RASGRP4: variants seen among roughly 807,000 people sequenced by gnomAD.
The protein encoded by RASGRP4 is RAS guanyl releasing protein 4, also known as RAS guanyl-releasing protein 4.
A neutral mutation model predicts 84.4 loss-of-function variants in RASGRP4; 52 were observed. The observed-to-expected ratio is 0.62, with a 90% CI of 0.49 to 0.78. The LOEUF (loss-of-function observed/expected upper bound fraction) is 0.78. Ranked by LOEUF, RASGRP4 falls within the 30% of genes least tolerant of loss-of-function variation. RASGRP4 has a pLI of 0.00. For synonymous variants in RASGRP4, 356 were observed against 359.1 expected (o/e 0.99, Z 0.10); for missense variants, 760 against 886.9 (o/e 0.86, Z 1.82).
chr19:38,412,914 G>C lies in RASGRP4; in HGVS notation c.1535+17C>G. On this transcript the variant is annotated intron_variant, in intron 12 of 16. Transcript: ENST00000615439. This position sits in a 1 kb window ranked among gnomAD's most constrained non-coding sequence, Gnocchi z 4.6. ...GTGTCCTCATCTTCGGAGGATCCAGGAGTCACAACCACTTACCCCTGGCGT... is the reference window on the plus strand; with the variant it reads ...GTGTCCTCATCTTCGGAGGATCCAGCAGTCACAACCACTTACCCCTGGCGT... 6.2e-7 allele frequency: 1 copy of C among 1,613,784 alleles called. No individual in the cohort carries two copies. The highest frequency in any genetic ancestry group is 8.5e-7 in the Non-Finnish European group (1 of 1,179,680).
Position 38,413,410 on chromosome 19 carries a change from C to G in RASGRP4, c.1295G>C (p.Arg432Pro). ...GGGTCTCACCAGGCTCTTGGGACAA[C>G]GCGGCTCCCGGGCATAAGAAAGCTC... ...IYELSYAREPRCPKSLPPSPF... is the reference protein window; with the variant it reads ...IYELSYAREPPCPKSLPPSPF... Residue 432 changes from arginine (R) to proline (P), a missense_variant, in exon 10 of 17, where the codon CGT (arginine) becomes CCT (proline). Arg to Pro is a moderately radical substitution (Grantham distance 103). Coordinates refer to ENST00000615439, the MANE Select transcript of RASGRP4 (RefSeq NM_170604.3). This position sits in a 1 kb window ranked among gnomAD's most constrained non-coding sequence, Gnocchi z 4.7. 2 of 1,608,684 alleles carry G rather than the reference C, an allele frequency of 1.2e-6. No individual in the cohort carries two copies. Among genetic ancestry groups the G allele is most frequent in the Non-Finnish European group, 1.7e-6 (2 of 1,177,510 alleles).
At position 38,420,229 on chromosome 19, in the gene RASGRP4, G is replaced by C. The variant is rs778756186; in HGVS notation, c.411C>G (p.His137Gln). 6.2e-7 allele frequency: 1 copy of C among 1,613,296 alleles called. No homozygotes were observed. Among genetic ancestry groups the C allele is most frequent in the South Asian group, 1.1e-5 (1 of 90,892 alleles). ...YWLMRHPEVMHQDPQLEEVIG... is the reference protein window; with the variant it reads ...YWLMRHPEVMQQDPQLEEVIG... ...TGACTTCTTCTAGCTGGGGATCCTGGTGCATCACCTCAGGGTGTCGCATCA... is the reference window on the plus strand; with the variant it reads ...TGACTTCTTCTAGCTGGGGATCCTGCTGCATCACCTCAGGGTGTCGCATCA... The change falls in exon 5 of 17, where the codon CAC (histidine) becomes CAG (glutamine). Residue 137 changes from histidine to glutamine, a missense_variant. His to Gln is a conservative substitution (Grantham distance 24, BLOSUM62 0). Transcript: ENST00000615439.
chr19:38,410,590 T>C (rs1306452528), intron 16 of RASGRP4, among the ~76,000 whole-genome samples: 1 of 152,004 alleles, frequency 6.6e-6, no homozygotes, highest in Non-Finnish European at 1.5e-5. Context: ...TTTTTGTATT[T>C]TTAGTAGAGA....
rs1018423686 is a variant in RASGRP4 at position 38,412,470 on chromosome 19, G to A, written c.1680+202C>T. On this transcript the variant is annotated intron_variant, in intron 13 of 16. Coordinates refer to ENST00000615439, the MANE Select transcript of RASGRP4 (RefSeq NM_170604.3). This position sits in a 1 kb window ranked among gnomAD's most constrained non-coding sequence, Gnocchi z 4.6. ...ATCCATGGTTCAGCAATTGTCTGGGGTGGACATTATCTGGGATTTTGGGAT... is the reference window on the plus strand; with the variant it reads ...ATCCATGGTTCAGCAATTGTCTGGGATGGACATTATCTGGGATTTTGGGAT... 3.7e-5 allele frequency: 22 copies of A among 600,746 alleles called. No individual in the cohort carries two copies. The Admixed American group carries it at 3.8e-4, about 10-fold the overall frequency. The allele number at this position is 600,746 out of a possible 1,614,324, so 37.2% of individuals were successfully genotyped here. A position where few individuals can be genotyped will look rare whatever the true frequency, so the allele number is the denominator to read the frequency against.
In RASGRP4 at chr19:38,414,934, G is replaced by A; in HGVS notation, c.1144C>T (p.Leu382Phe). Residue 382 changes from leucine (L) to phenylalanine (F), a missense_variant, in exon 9 of 17, where the codon CTC (leucine) becomes TTC (phenylalanine). By Grantham distance (22) the Leu-to-Phe change is conservative (BLOSUM62 0). Coordinates refer to ENST00000615439, the MANE Select transcript of RASGRP4 (RefSeq NM_170604.3). ...ACCAGCTCCTGCAGCCGCAGGTAGA[G>A]GTTGTTCAGCTTGGGTAGGTGCAGG... ...GRLHLPKLNNLYLRLQELVAL... is the reference protein window; with the variant it reads ...GRLHLPKLNNFYLRLQELVAL... The A allele has an allele frequency of 6.2e-7, 1 of 1,613,468 alleles. No individual in the cohort carries two copies. The highest frequency in any genetic ancestry group is 2.2e-5 in the East Asian group (1 of 44,870).
chr19:38,423,892 G>A (rs1971871303), intron 1 of RASGRP4, among the ~76,000 whole-genome samples: 1 of 152,116 alleles, frequency 6.6e-6, no homozygotes, highest in East Asian at 1.9e-4. Flanking sequence ...CCTCTGCCTG[G>A]TGCCTCCCAG....
rs1364793345 is a variant in RASGRP4 at position 38,417,657 on chromosome 19, G to T, written c.838-489C>A. On this transcript the variant is annotated intron_variant, in intron 7 of 16. Coordinates refer to ENST00000615439, the MANE Select transcript of RASGRP4 (RefSeq NM_170604.3). The surrounding 1 kb of genome is among the most constrained non-coding windows in gnomAD (Gnocchi z 5.1). The stretch of plus-strand genomic sequence containing the variant: ...CAGACAGATGCTAGACAGGTGTGGG[G>T]CCACCAGGGCAGCTGGGGAATTCCC... Among the ~76,000 whole-genome samples the T allele has an allele frequency of 6.6e-6, 1 of 152,182 alleles. No individual in the cohort carries two copies. The highest frequency in any genetic ancestry group is 1.9e-4 in the East Asian group (1 of 5,192).
intron 4 of RASGRP4, 144 bp from the exon 5 acceptor site, chr19:38,420,406 G>T: frequency 1.2e-6 from 1 of 833,350 alleles, no homozygotes. Flanking sequence ...GGGGTTTGGA[G>T]GGGCACCAGG....
Position 38,411,396 on chromosome 19 carries a change from G to A in RASGRP4, c.1681-15C>T, listed in dbSNP as rs937495011. 6.5e-7 allele frequency: 1 copy of A among 1,545,390 alleles called. No homozygotes were observed. The highest frequency in any genetic ancestry group is 1.4e-5 in the African/African-American group (1 of 73,146). The stretch of plus-strand genomic sequence containing the variant: ...ACACCCCAGAGCTGGGAAGAGAAAG[G>A]AGAAAAGGTTACCCATCCTAGGAGA... On this transcript the variant is annotated splice_polypyrimidine_tract_variant and intron_variant, in intron 13 of 16. Transcript: ENST00000615439.
At position 38,413,940 on chromosome 19, in the gene RASGRP4, G is replaced by A. The variant is rs988825409; in HGVS notation, c.1231-466C>T. On this transcript the variant is annotated intron_variant, in intron 9 of 16. Transcript: ENST00000615439. This position sits in a 1 kb window ranked among gnomAD's most constrained non-coding sequence, Gnocchi z 4.7. ...AGCTCACTCTGCTCCATATACTGTC[G>A]TTTTTTGAGACAGAGTCTTGCTCTG... 9.2e-5 allele frequency among the ~76,000 whole-genome samples: 14 copies of A among 152,086 alleles called. No homozygotes were observed. Among genetic ancestry groups the A allele is most frequent in the Non-Finnish European group, 1.6e-4 (11 of 68,024 alleles).
rs752806146 is a variant in RASGRP4 at position 38,420,143 on chromosome 19, T to C, written c.497A>G (p.Asp166Gly). Residue 166 changes from aspartate to glycine, a missense_variant, in exon 5 of 17, where the codon GAC becomes GGC. Transcript: ENST00000615439. ...AGGGCTGACTCACAGGTCAGAAGAG[T>C]CTCCCAGTCTTCTCTGGGCTGAGTT... ...EGNSAQRRLG[D>G]SSDLLSPGGP... The C allele has an allele frequency of 6.2e-7, 1 of 1,612,386 alleles. No homozygotes were observed. The highest frequency in any genetic ancestry group is 1.1e-5 in the South Asian group (1 of 90,934).
intron 8 of RASGRP4, among the ~76,000 whole-genome samples, chr19:38,416,577 C>T (rs1278392860): frequency 5.9e-5 from 9 of 151,612 alleles, no homozygotes; most frequent in Admixed American, 5.3e-4. Flanking sequence ...CCTCCCAAAA[C>T]GCTGGGATTA....
In RASGRP4 at chr19:38,417,833, A is replaced by G. The variant is rs2145218664; in HGVS notation, c.837+558T>C. On this transcript the variant is annotated intron_variant, in intron 7 of 16. Coordinates refer to ENST00000615439, the MANE Select transcript of RASGRP4 (RefSeq NM_170604.3). The surrounding 1 kb of genome is among the most constrained non-coding windows in gnomAD (Gnocchi z 5.1). Reference sequence around the variant, plus strand: ...TGCAGGAGTAAGCAAGCCAGGGAAGACACCAGAGGAAGGGCGTGGTCTGCG... The same window carrying G: ...TGCAGGAGTAAGCAAGCCAGGGAAGGCACCAGAGGAAGGGCGTGGTCTGCG... Among the ~76,000 whole-genome samples the G allele has an allele frequency of 6.6e-6, 1 of 152,270 alleles. No homozygotes were observed. Among genetic ancestry groups the G allele is most frequent in the South Asian group, 2.1e-4 (1 of 4,832 alleles).
chr19:38,411,479 T>C (rs963352527), intron 13 of RASGRP4, 98 bp from the exon 14 acceptor site: 2 of 1,194,252 alleles, frequency 1.7e-6, no homozygotes, highest in Non-Finnish European at 2.3e-6. Flanking sequence ...GCTACCCAGG[T>C]TTTGAAATTC....
At chr19:38,414,151 A>G (rs1224764911) in intron 9 of RASGRP4, among the ~76,000 whole-genome samples, 3 of 151,932 alleles carry the variant, frequency 2.0e-5, no homozygotes, top group East Asian at 3.9e-4. Flanking sequence ...GCTGGTCTCA[A>G]ACTCCTCAGG....
At chr19:38,421,332 C>G in intron 2 of RASGRP4, 132 bp from the exon 3 acceptor site, 4 of 662,276 alleles carry the variant, frequency 6.0e-6, no homozygotes, top group Non-Finnish European at 1.1e-5. Flanking sequence ...CTTGGACAGG[C>G]AACCTAACCT....
intron 1 of RASGRP4, among the ~76,000 whole-genome samples, chr19:38,424,278 C>A (rs1343375369): frequency 6.6e-6 from 1 of 152,010 alleles, no homozygotes; most frequent in Non-Finnish European, 1.5e-5. Context: ...TGCCACCACG[C>A]CGAGCTAATT....
In RASGRP4 at chr19:38,426,053, G is replaced by C. The variant is rs1264491906; in HGVS notation, c.23+16C>G. 1 of 1,368,532 alleles carries C rather than the reference G, an allele frequency of 7.3e-7. No individual in the cohort carries two copies. Among genetic ancestry groups the C allele is most frequent in the Non-Finnish European group, 9.5e-7 (1 of 1,051,454 alleles). The allele number at this position is 1,368,532 out of a possible 1,614,324, so 84.8% of individuals were successfully genotyped here. A position where few individuals can be genotyped will look rare whatever the true frequency, so the allele number is the denominator to read the frequency against. ...CCTCAGGGTGCTGCCGGGCTCCCTG[G>C]GGAGGGTCCTCTCACCTCTTACTGT... On this transcript the variant is annotated intron_variant, in intron 1 of 16. Coordinates refer to ENST00000615439, the MANE Select transcript of RASGRP4 (RefSeq NM_170604.3).
chr19:38,409,604 G>A lies in RASGRP4; in HGVS notation c.*436C>T, dbSNP rs1971135454. The A allele has an allele frequency of 6.5e-6, 1 of 153,128 alleles. No individual in the cohort carries two copies. The highest frequency in any genetic ancestry group is 6.5e-5 in the Admixed American group (1 of 15,288). The allele number at this position is 153,128 out of a possible 1,614,324, so 9.5% of individuals were successfully genotyped here. On this transcript the variant is annotated 3_prime_UTR_variant, in exon 17 of 17. Coordinates refer to ENST00000615439, the MANE Select transcript of RASGRP4 (RefSeq NM_170604.3). ...AATACAAAAATTAGCCGGGCATGGT[G>A]GCGCGTGCCTGTAATCCCAGCTACT...
Sources: allele counts gnomAD v4.1 joint callset (sites outside exome capture counted in the v4.1 genomes callset), GRCh38; gene constraint gnomAD v4.1.1; non-coding constraint Gnocchi (gnomAD v3.1); transcripts MANE v1.5; gene names NCBI Gene and HGNC (gene_info 2026-07-23, HGNC 2026-07-21).